Variants in ANK3 observed in about 807,000 individuals in gnomAD.
ANK3 encodes the protein ankyrin-3.
Under a neutral mutation model 370.9 loss-of-function variants are expected in ANK3, and 57 were observed. The ratio of observed to expected loss-of-function variants is 0.15; its 90% CI spans 0.12 to 0.19. ANK3 has a LOEUF of 0.19. Ranked by LOEUF, ANK3 falls within the 10% of genes least tolerant of loss-of-function variation. The probability of loss-of-function intolerance (pLI) is 1.00; values close to 1 mark genes in which losing one functional copy is unlikely to be tolerated. For missense variants in ANK3, 4,439 were observed against 5,302.1 expected, an observed-to-expected ratio of 0.84 and a Z score of 5.06; for synonymous variants, 1,929 against 1,946.3, an observed-to-expected ratio of 0.99 and a Z score of 0.23.
At position 60,074,916 on chromosome 10, in the gene ANK3, A is replaced by G. The variant is rs372922084; in HGVS notation, c.5965T>C (p.Trp1989Arg). 15 of 1,613,920 alleles carry G rather than the reference A, an allele frequency of 9.3e-6. No homozygotes were observed. The highest frequency in any genetic ancestry group is 1.3e-5 in the Non-Finnish European group (15 of 1,179,990). ...ATTTCTTCCGAACTAAATTCTATCC[A>G]GTCATCTTCAGGAGAGTGTCCTTTG... is the stretch of plus-strand genomic sequence containing the variant. ...SDKGHSPEDD[W>R]IEFSSEEIRE... Residue 1989 changes from tryptophan to arginine, a missense_variant, in exon 37 of 44, where the codon TGG becomes CGG. By Grantham distance (101) the Trp-to-Arg change is moderately radical. Coordinates refer to ENST00000280772, the MANE Select transcript of ANK3 (RefSeq NM_020987.5).
At chr10:60,354,961 A>G (rs2057494329) in intron 1 of ANK3, among the ~76,000 whole-genome samples, 1 of 152,192 alleles carries the variant, frequency 6.6e-6, no homozygotes, top group East Asian at 1.9e-4. Context: ...GATCATCTCC[A>G]TAGTTAACTT....
At chr10:60,608,024 T>G (rs564515627) in intron 2 of ANK3, among the ~76,000 whole-genome samples, 3 of 152,278 alleles carry the variant, frequency 2.0e-5, no homozygotes, top group South Asian at 4.2e-4. Flanking sequence ...TCCAGATGTA[T>G]CAGCAGGCAG....
chr10:60,133,623 A>G (rs2094200447), intron 25 of ANK3, among the ~76,000 whole-genome samples: 1 of 152,136 alleles, frequency 6.6e-6, no homozygotes, highest in East Asian at 1.9e-4. Context: ...CAGTTTGTTT[A>G]GCAAAATACA....
intron 2 of ANK3, among the ~76,000 whole-genome samples, chr10:60,419,188 G>A (rs775701569): frequency 2.0e-5 from 3 of 152,112 alleles, no homozygotes; most frequent in Non-Finnish European, 4.4e-5. Context: ...ATTGGAAAGA[G>A]ATGAATTTAA....
chr10:60,506,975 GA>G (rs2075957076), intron 2 of ANK3, among the ~76,000 whole-genome samples: 1 of 151,872 alleles, frequency 6.6e-6, no homozygotes, highest in Non-Finnish European at 1.5e-5. Context: ...AATTTGTTGT[GA>G]AAATAACCAC....
chr10:60,493,094 A>G (rs36116096), intron 2 of ANK3, among the ~76,000 whole-genome samples: 50,312 of 141,314 alleles, frequency 0.36, 9,633 homozygotes, highest in Non-Finnish European at 0.4. Flanking sequence ...AAAAAAAAAA[A>G]AAAAGAAAAG....
intron 26 of ANK3, among the ~76,000 whole-genome samples, chr10:60,112,863 T>C (rs2092812857): frequency 6.6e-6 from 1 of 152,234 alleles, no homozygotes; most frequent in Admixed American, 6.5e-5. Context: ...TTGTTGTTAA[T>C]TTATTTAATT....
intron 2 of ANK3, among the ~76,000 whole-genome samples, chr10:60,475,408 C>G (rs72807918): frequency 1.4e-4 from 22 of 152,178 alleles, no homozygotes; most frequent in Admixed American, 3.3e-4. Context: ...CTGTTCCTTG[C>G]GTCCATAAAT....
chr10:60,679,635 C>T (rs778916165), intron 1 of ANK3, among the ~76,000 whole-genome samples: 18 of 152,086 alleles, frequency 1.2e-4, no homozygotes, highest in South Asian at 2.1e-4. Context: ...GGCAGGCCAC[C>T]GTGCATGCGG....
upstream of ANK3, chr10:60,389,987 T>C: frequency 3.2e-6 from 1 of 309,980 alleles, no homozygotes; most frequent in Non-Finnish European, 4.7e-6. Context: ...AAACCTATTT[T>C]AGAATCCTTT....
chr10:60,065,071 C>T (rs2081369084), intron 38 of ANK3, among the ~76,000 whole-genome samples: 1 of 152,162 alleles, frequency 6.6e-6, no homozygotes, highest in South Asian at 2.1e-4. Context: ...TCTATGCCTT[C>T]AAGTTTCATA....
chr10:60,126,881 T>C (rs1028664854), intron 25 of ANK3, among the ~76,000 whole-genome samples: 11 of 152,204 alleles, frequency 7.2e-5, no homozygotes, highest in Non-Finnish European at 1.6e-4. Flanking sequence ...ATGTGGTTGT[T>C]CCTACCAGGT....
chr10:60,615,305 A>T, intron 1 of ANK3: 2 of 945,240 alleles, frequency 2.1e-6, no homozygotes, highest in South Asian at 3.6e-5. Context: ...ACACATGCAC[A>T]TTATTAATTG....
At chr10:60,132,823 G>GC (rs11407580) in intron 25 of ANK3, among the ~76,000 whole-genome samples, 105,261 of 151,742 alleles carry the variant, frequency 0.69, 36,873 homozygotes, top group African/African-American at 0.75. Flanking sequence ...CACCACGTTG[G>GC]CAGGCTGGTC....
chr10:60,652,671 T>A (rs2078805358), intron 1 of ANK3, among the ~76,000 whole-genome samples: 1 of 139,518 alleles, frequency 7.2e-6, no homozygotes. Flanking sequence ...TTTGAGGAGG[T>A]GACACCCTTC....
chr10:60,380,509 A>T (rs2061416154), intron 1 of ANK3, among the ~76,000 whole-genome samples: 1 of 152,196 alleles, frequency 6.6e-6, no homozygotes, highest in Non-Finnish European at 1.5e-5. Flanking sequence ...AAACTTTCAG[A>T]GTATAACTTC....
At chr10:60,082,833 A>G (rs776073822) in intron 33 of ANK3, 96 bp from the exon 34 acceptor site, 29 of 1,380,594 alleles carry the variant, frequency 2.1e-5, no homozygotes, top group South Asian at 1.1e-4. Flanking sequence ...ATCAAGCCCT[A>G]TGAGAGGCAG....
rs922123291 is a variant in ANK3 at position 60,475,965 on chromosome 10, T to C, written c.96+139221A>G. ...TCCCAAAAAGATCATCTCTAACCAA[T>C]GTACAAAAAAGAAAACAACTGAAAG... On this transcript the variant is annotated intron_variant, in intron 2 of 43. Coordinates refer to the ANK3 transcript ENST00000373827. 3.9e-5 allele frequency among the ~76,000 whole-genome samples: 6 copies of C among 152,156 alleles called. No homozygotes were observed. The South Asian group carries it at 1.0e-3, about 26-fold the overall frequency.
rs72822820 is a variant in ANK3 at position 60,554,417 on chromosome 10, C to T, written c.96+60769G>A. On this transcript the variant is annotated intron_variant, in intron 2 of 43. Coordinates refer to the ANK3 transcript ENST00000373827. ...TCCAAACTGGTGGCAGCTCAAGGAA[C>T]GAGCCTATAGTGCAAAATCCTAGCC... Among the ~76,000 whole-genome samples, 867 of 152,186 alleles carry T rather than the reference C, an allele frequency of 5.7e-3. 4 individuals are homozygous for T. The highest frequency in any genetic ancestry group is 0.01 in the Middle Eastern group (3 of 294).
Sources: allele counts gnomAD v4.1 joint callset (sites outside exome capture counted in the v4.1 genomes callset), GRCh38; gene constraint gnomAD v4.1.1; transcripts MANE v1.5; gene names NCBI Gene and HGNC (gene_info 2026-07-23, HGNC 2026-07-21).